Variants in SPOCK2 observed in about 807,000 individuals in gnomAD.
SPOCK2 encodes testican-2.
A neutral mutation model predicts 60.1 loss-of-function variants in SPOCK2; 39 were observed. The observed-to-expected ratio is 0.65, with a 90% CI of 0.50 to 0.85. SPOCK2 has a LOEUF of 0.85. SPOCK2 is among the 40% of genes least tolerant of loss of function. SPOCK2 has a pLI of 0.00. For synonymous variants in SPOCK2, 217 were observed against 231.5 expected (o/e 0.94, Z 0.57); for missense variants, 523 against 567.4 (o/e 0.92, Z 0.80).
chr10:72,082,758 G>A (rs143308257), intron 1 of SPOCK2, among the ~76,000 whole-genome samples: 2,993 of 151,436 alleles, frequency 0.02, 46 homozygotes, highest in Non-Finnish European at 0.031. Flanking sequence ...GGAGGCTGAG[G>A]TGGGAGGATC....
chr10:72,068,279 C>G lies in SPOCK2; in HGVS notation c.497G>C (p.Cys166Ser). ...CACCGCCAGCTGCTTGCTGCTCAGG[C>G]ACGCCTGTTGCTCCAGCTTACACTG... ...SSVCKLEQQA[C>S]LSSKQLAVRC... The change falls in exon 6 of 11, where the codon TGC (cysteine) becomes TCC (serine). Residue 166 changes from cysteine (C) to serine (S), a missense_variant. Coordinates refer to ENST00000373109, the MANE Select transcript of SPOCK2 (RefSeq NM_001244950.2). The G allele has an allele frequency of 6.2e-7, 1 of 1,611,546 alleles. No homozygotes were observed. Among genetic ancestry groups the G allele is most frequent in the Non-Finnish European group, 8.5e-7 (1 of 1,179,164 alleles).
intron 1 of SPOCK2, among the ~76,000 whole-genome samples, chr10:72,078,534 AAAAAT>A (rs1023686848): frequency 6.6e-6 from 1 of 151,656 alleles, no homozygotes; most frequent in African/African-American, 2.4e-5. Flanking sequence ...AATAAATAAT[AAAAAT>A]AAAATAAATT....
At chr10:72,069,494 A>T (rs1393233723) in intron 5 of SPOCK2, among the ~76,000 whole-genome samples, 3 of 149,254 alleles carry the variant, frequency 2.0e-5, no homozygotes, top group Non-Finnish European at 4.5e-5. Flanking sequence ...TTTGGAGACA[A>T]GGTCTCACTC....
chr10:72,072,722 A>G (rs1840666469), intron 2 of SPOCK2, 174 bp from the exon 3 acceptor site: 1 of 1,330,392 alleles, frequency 7.5e-7, no homozygotes, highest in Non-Finnish European at 1.1e-6. Flanking sequence ...CCACACCTCT[A>G]TCCCTATAAA....
rs1428748107 is a variant in SPOCK2, at chr10:72,059,240, G to A, written c.*3520C>T. 2 of 152,680 alleles carry A rather than the reference G, an allele frequency of 1.3e-5. No homozygotes were observed. The highest frequency in any genetic ancestry group is 2.9e-5 in the Non-Finnish European group (2 of 68,062). The allele number at this position is 152,680 out of a possible 1,614,324, so 9.5% of individuals were successfully genotyped here. A position where few individuals can be genotyped will look rare whatever the true frequency, so the allele number is the denominator to read the frequency against. ...GGGCTGGATGACTCACGGGACTCTT[G>A]AGTGCCCATCAACGCACACGCACAC... is the stretch of plus-strand genomic sequence containing the variant. On this transcript the variant is annotated 3_prime_UTR_variant, in exon 11 of 11. Transcript: ENST00000373109.
chr10:72,072,122 C>T, intron 4 of SPOCK2, 22 bp downstream of exon 4: 2 of 1,466,526 alleles, frequency 1.4e-6, no homozygotes, highest in Non-Finnish European at 1.8e-6. Flanking sequence ...CTCCAGGGCT[C>T]CCACCTCCCC....
At position 72,087,569 on chromosome 10, in the gene SPOCK2, G is replaced by T. The variant is rs1366970049; in HGVS notation, c.189+571C>A. 6.6e-6 allele frequency among the ~76,000 whole-genome samples: 1 copy of T among 152,154 alleles called. No homozygotes were observed. The highest frequency in any genetic ancestry group is 6.5e-5 in the Admixed American group (1 of 15,282). ...ACGCCTTCCACCATCTCGCCTAGAA[G>T]GCTGCTGGGACCCCAGACCCAGAGC... On this transcript the variant is annotated intron_variant, in intron 1 of 10. Transcript: ENST00000373109. The surrounding 1 kb of genome is among the most constrained non-coding windows in gnomAD (Gnocchi z 4.7).
chr10:72,067,787 G>A (rs1392821068), intron 6 of SPOCK2, 55 bp from the exon 7 acceptor site: 21 of 1,583,406 alleles, frequency 1.3e-5, no homozygotes, highest in South Asian at 2.3e-5. Flanking sequence ...CAGCAGGCTC[G>A]ATCTCAGTCT....
chr10:72,074,036 A>T (rs983978040), intron 1 of SPOCK2, among the ~76,000 whole-genome samples: 2 of 152,200 alleles, frequency 1.3e-5, no homozygotes, highest in African/African-American at 4.8e-5. Context: ...GGGCATGAGA[A>T]GCTACGCGCA....
In SPOCK2 at chr10:72,077,730, C is replaced by T. The variant is rs928299641; in HGVS notation, c.190-4820G>A. On this transcript the variant is annotated intron_variant, in intron 1 of 10. Coordinates refer to ENST00000373109, the MANE Select transcript of SPOCK2 (RefSeq NM_001244950.2). ...ATACAAGGTGTGCTGAGGAGCAGGCCGGCCCTGGGAGAACCCAGGCTCCTG... is the reference window on the plus strand; with the variant it reads ...ATACAAGGTGTGCTGAGGAGCAGGCTGGCCCTGGGAGAACCCAGGCTCCTG... Among the ~76,000 whole-genome samples the T allele has an allele frequency of 5.9e-5, 9 of 152,188 alleles. No homozygotes were observed. The East Asian group carries it at 7.7e-4, about 13-fold the overall frequency.
chr10:72,081,500 G>A (rs1273334635), intron 1 of SPOCK2, among the ~76,000 whole-genome samples: 2 of 152,194 alleles, frequency 1.3e-5, no homozygotes, highest in African/African-American at 2.4e-5. Context: ...CTCTACCCGA[G>A]GGAGCCCTGT....
chr10:72,070,273 G>A, intron 5 of SPOCK2, 39 bp downstream of exon 5: 1 of 1,601,796 alleles, frequency 6.2e-7, no homozygotes, highest in Non-Finnish European at 8.5e-7. Context: ...GGCCTCAGGT[G>A]ACTCCACCCC....
In SPOCK2 at chr10:72,086,545, C is replaced by A. The variant is rs755278483; in HGVS notation, c.189+1595G>T. 1,046 of 1,140,080 alleles carry A rather than the reference C, an allele frequency of 9.2e-4. 1 individual carries two copies. The highest frequency in any genetic ancestry group is 1.1e-3 in the Non-Finnish European group (976 of 922,342). 70.6% of individuals were successfully genotyped at this position (1,140,080 alleles called of 1,614,324 possible). ...GGATTCCGGATGGGCCGGCCTGCTG[C>A]CGCCCCCTCGCTGCTGTGGCCGGGC... On this transcript the variant is annotated intron_variant, in intron 1 of 10. Transcript: ENST00000373109.
chr10:72,078,311 C>G (rs937251325), intron 1 of SPOCK2, among the ~76,000 whole-genome samples: 2 of 151,956 alleles, frequency 1.3e-5, no homozygotes, highest in African/African-American at 4.8e-5. Context: ...GTCAGGAGAT[C>G]GAGCACCCTG....
chr10:72,088,057 C>T (rs1302490000), intron 1 of SPOCK2, 83 bp downstream of exon 1: 3 of 1,527,078 alleles, frequency 2.0e-6, no homozygotes, highest in Non-Finnish European at 2.7e-6. Flanking sequence ...CTGCGACGTG[C>T]GGCGGCCGCT....
chr10:72,072,713 C>T, intron 2 of SPOCK2, 165 bp from the exon 3 acceptor site: 1 of 1,332,808 alleles, frequency 7.5e-7, no homozygotes, highest in Non-Finnish European at 1.1e-6. Context: ...CTGCCTCCCC[C>T]ACACCTCTAT....
In SPOCK2 at chr10:72,087,978, C is replaced by A. The variant is rs1426512852; in HGVS notation, c.189+162G>T. On this transcript the variant is annotated intron_variant, in intron 1 of 10. Coordinates refer to ENST00000373109, the MANE Select transcript of SPOCK2 (RefSeq NM_001244950.2). This position sits in a 1 kb window ranked among gnomAD's most constrained non-coding sequence, Gnocchi z 4.7. ...CCGGGCCGCAGGGACAGGGGAGGGG[C>A]GCTGGGCTGTGACCCCCAGTACTGT... 2.6e-5 allele frequency among the ~76,000 whole-genome samples: 4 copies of A among 152,002 alleles called. No individual in the cohort carries two copies. Among genetic ancestry groups the A allele is most frequent in the Non-Finnish European group, 5.9e-5 (4 of 67,948 alleles).
At chr10:72,073,204 A>G (rs1447524536) in intron 1 of SPOCK2, among the ~76,000 whole-genome samples, 1 of 152,124 alleles carries the variant, frequency 6.6e-6, no homozygotes, top group Non-Finnish European at 1.5e-5. Context: ...CCCCAGCCCC[A>G]CCACCAGGAC....
At chr10:72,072,755 G>T in intron 2 of SPOCK2, 147 bp downstream of exon 2, 1 of 1,399,132 alleles carries the variant, frequency 7.1e-7, no homozygotes, top group Non-Finnish European at 9.9e-7. Context: ...ATCCTTTCCA[G>T]CCTCTCCCGT....
Sources: allele counts gnomAD v4.1 joint callset (sites outside exome capture counted in the v4.1 genomes callset), GRCh38; gene constraint gnomAD v4.1.1; non-coding constraint Gnocchi (gnomAD v3.1); transcripts MANE v1.5; gene names NCBI Gene and HGNC (gene_info 2026-07-23, HGNC 2026-07-21).